UST: variants seen among roughly 807,000 people sequenced by gnomAD.
The protein encoded by UST is uronyl 2-sulfotransferase, also known as chondroitin sulfate 2-O-sulfotransferase.
In UST, 21 loss-of-function variants were observed where a neutral mutation model predicts 45.6. The observed-to-expected ratio is 0.46, with a 90% CI of 0.33 to 0.66. The LOEUF is 0.66. Ranked by LOEUF, UST falls within the 30% of genes least tolerant of loss-of-function variation. The probability of loss-of-function intolerance (pLI) is 0.02; values close to 1 mark genes in which losing one functional copy is unlikely to be tolerated. For synonymous variants in UST, 215 were observed against 200.6 expected, an observed-to-expected ratio of 1.07 and a Z score of -0.61; for missense variants, 463 against 512.4, an observed-to-expected ratio of 0.90 and a Z score of 0.93.
chr6:149,029,549 A>AT (rs985702369), intron 7 of UST, among the ~76,000 whole-genome samples: 59 of 149,476 alleles, frequency 3.9e-4, no homozygotes, highest in African/African-American at 1.4e-3. Flanking sequence ...AAAAACTAAC[A>AT]TTTTAGAAAG....
intron 2 of UST, among the ~76,000 whole-genome samples, chr6:148,911,847 T>G (rs1779481162): frequency 6.6e-6 from 1 of 152,208 alleles, no homozygotes; most frequent in African/African-American, 2.4e-5. Context: ...GGGAAAAGGA[T>G]GGAGAAAGTG....
chr6:148,895,224 A>G (rs1009299955), intron 2 of UST, among the ~76,000 whole-genome samples: 2 of 152,026 alleles, frequency 1.3e-5, no homozygotes, highest in African/African-American at 4.8e-5. Context: ...TAGCTGTGTT[A>G]TTAGCCCCAA....
chr6:148,936,776 A>G (rs1280237873), intron 2 of UST, among the ~76,000 whole-genome samples: 1 of 151,930 alleles, frequency 6.6e-6, no homozygotes, highest in Non-Finnish European at 1.5e-5. Context: ...GCTCACTGCA[A>G]TCTCTGCCTC....
chr6:148,960,510 A>T (rs1215007243), intron 4 of UST, among the ~76,000 whole-genome samples: 1 of 152,220 alleles, frequency 6.6e-6, no homozygotes, highest in Non-Finnish European at 1.5e-5. Context: ...CCAGAGGCTA[A>T]AAAGGAGGTA....
chr6:148,817,347 C>A (rs935301667), intron 1 of UST, among the ~76,000 whole-genome samples: 1 of 152,266 alleles, frequency 6.6e-6, no homozygotes, highest in South Asian at 2.1e-4. Flanking sequence ...TGAAAAGAGT[C>A]AAACTCTGTA....
chr6:148,878,052 TTCGTGTATGAGTGCGGGTA>T (rs1314307780), intron 1 of UST, among the ~76,000 whole-genome samples: 1 of 52,716 alleles, frequency 1.9e-5, no homozygotes, highest in Non-Finnish European at 3.6e-5. Context: ...GAGTGGGGGG[TTCGTGTATGAGTGCGGGTA>T]TCGTGTATGA....
At chr6:148,787,681 C>T (rs1266275526) in intron 1 of UST, among the ~76,000 whole-genome samples, 1 of 152,040 alleles carries the variant, frequency 6.6e-6, no homozygotes, top group Non-Finnish European at 1.5e-5. Flanking sequence ...GGCTCTTTTT[C>T]GGTTCCATAT....
rs1776807469 is a variant in UST at position 148,789,935 on chromosome 6, C to T, written c.247+42258C>T. Among the ~76,000 whole-genome samples the T allele has an allele frequency of 2.0e-5, 3 of 151,284 alleles. No individual in the cohort carries two copies. The South Asian group carries it at 6.3e-4, about 32-fold the overall frequency. ...ATAATGAAGACTCATAAATAAATAT[C>T]ACACATGTCAGTGAAAACCAAAAGC... On this transcript the variant is annotated intron_variant, in intron 1 of 7. Coordinates refer to ENST00000367463, the MANE Select transcript of UST (RefSeq NM_005715.3).
At chr6:149,025,672 G>T (rs1008394541) in intron 7 of UST, among the ~76,000 whole-genome samples, 1 of 151,994 alleles carries the variant, frequency 6.6e-6, no homozygotes, top group Non-Finnish European at 1.5e-5. Flanking sequence ...ATTTTTTATT[G>T]ATTAATCCTT....
chr6:148,845,967 G>A (rs1312329238), intron 1 of UST, among the ~76,000 whole-genome samples: 1 of 137,912 alleles, frequency 7.3e-6, no homozygotes, highest in African/African-American at 2.5e-5. Context: ...GAGAGGATGT[G>A]GAGAAATAGG....
chr6:148,959,849 G>C (rs1562313283), intron 4 of UST, among the ~76,000 whole-genome samples: 1 of 151,702 alleles, frequency 6.6e-6, no homozygotes, highest in African/African-American at 2.4e-5. Context: ...ATGGTGGGCG[G>C]AGGGGAGTCT....
intron 1 of UST, among the ~76,000 whole-genome samples, chr6:148,817,699 G>A (rs956814124): frequency 1.3e-5 from 2 of 152,194 alleles, no homozygotes; most frequent in Admixed American, 1.3e-4. Context: ...ATTTGCAGAG[G>A]AAGCCTTCAG....
chr6:149,022,031 A>T (rs1355455537), intron 7 of UST, among the ~76,000 whole-genome samples: 1 of 152,240 alleles, frequency 6.6e-6, no homozygotes, highest in Non-Finnish European at 1.5e-5. Flanking sequence ...TAACAAACCG[A>T]GTGGTCCCCA....
chr6:148,774,290 A>ATAT (rs199665899), intron 1 of UST, among the ~76,000 whole-genome samples: 13 of 148,538 alleles, frequency 8.8e-5, no homozygotes, highest in Non-Finnish European at 1.2e-4. Flanking sequence ...ATATATATAT[A>ATAT]AAAATATAAT....
intron 7 of UST, among the ~76,000 whole-genome samples, chr6:149,044,839 T>G (rs757264441): frequency 4.6e-5 from 7 of 152,230 alleles, no homozygotes; most frequent in Non-Finnish European, 1.0e-4. Flanking sequence ...CAATAACACG[T>G]GCTTTGGATA....
At chr6:148,764,019 T>A (rs905496433) in intron 1 of UST, among the ~76,000 whole-genome samples, 7 of 152,242 alleles carry the variant, frequency 4.6e-5, no homozygotes, top group African/African-American at 1.7e-4. Flanking sequence ...TTGTTTTTTC[T>A]AATTCTGTGA....
rs937849753 is a variant in UST at position 148,897,215 on chromosome 6, T to G, written c.291+10186T>G. 2.6e-5 allele frequency among the ~76,000 whole-genome samples: 4 copies of G among 152,146 alleles called. No individual in the cohort carries two copies. The South Asian group carries it at 8.3e-4, about 32-fold the overall frequency. On this transcript the variant is annotated intron_variant, in intron 2 of 7. Transcript: ENST00000367463. ...CTGAGTCTCACACTGTCGTCCAGGC[T>G]GGAGTATAGTGGTATGATCTCGGCT...
chr6:148,977,430 G>C (rs1403827165), intron 5 of UST, among the ~76,000 whole-genome samples: 2 of 151,908 alleles, frequency 1.3e-5, no homozygotes, highest in African/African-American at 2.4e-5. Context: ...CTTTGTCTTT[G>C]TTCATTTTTC....
intron 2 of UST, among the ~76,000 whole-genome samples, chr6:148,922,004 A>C (rs1394103809): frequency 2.6e-5 from 4 of 152,328 alleles, no homozygotes; most frequent in African/African-American, 4.8e-5. Flanking sequence ...CCTCAGATTT[A>C]ACATGAGAGG....
Sources: allele counts gnomAD v4.1 joint callset (sites outside exome capture counted in the v4.1 genomes callset), GRCh38; gene constraint gnomAD v4.1.1; transcripts MANE v1.5; gene names NCBI Gene and HGNC (gene_info 2026-07-23, HGNC 2026-07-21).